The following HVCN1 variants were observed in gnomAD, a reference collection of about 807,000 sequenced individuals.
The protein encoded by HVCN1 is voltage-gated hydrogen channel 1.
Under a neutral mutation model 29.2 loss-of-function variants are expected in HVCN1, and 14 were observed. The observed-to-expected ratio is 0.48, with a 90% CI of 0.32 to 0.75. The LOEUF (loss-of-function observed/expected upper bound fraction) is 0.75, where lower values mean the gene tolerates loss of function less well. Ranked by LOEUF, HVCN1 falls within the 30% of genes least tolerant of loss-of-function variation. HVCN1 has a pLI of 0.04. For synonymous variants in HVCN1, 131 were observed against 133.2 expected, an observed-to-expected ratio of 0.98 and a Z score of 0.11; for missense variants, 263 against 341.8, an observed-to-expected ratio of 0.77 and a Z score of 1.82.
chr12:110,694,737 C>T (rs1221091529), upstream of HVCN1, among the ~76,000 whole-genome samples: 2 of 152,068 alleles, frequency 1.3e-5, no homozygotes, highest in East Asian at 1.9e-4. This position sits in a 1 kb window ranked among gnomAD's most constrained non-coding sequence, Gnocchi z 4.6. Context: ...ACAGCAGTGA[C>T]GGCCACACGA....
rs146088346 is a variant in HVCN1 at position 110,657,551 on chromosome 12, G to A, written c.307-2213C>T. 1.2e-4 allele frequency among the ~76,000 whole-genome samples: 18 copies of A among 151,508 alleles called. No individual in the cohort carries two copies. The East Asian group carries it at 3.5e-3, about 29-fold the overall frequency. On this transcript the variant is annotated intron_variant, in intron 4 of 7. Coordinates refer to ENST00000242607, the MANE Select transcript of HVCN1 (RefSeq NM_032369.4). ...AAATGCTCTGGAACTAGATAGTGGT[G>A]ACTTGTACAACACTGTGAATGTGTT...
In HVCN1 at chr12:110,661,141, T is replaced by A; in HGVS notation, c.306+23A>T. The A allele has an allele frequency of 6.4e-7, 1 of 1,571,672 alleles. No homozygotes were observed. Among genetic ancestry groups the A allele is most frequent in the Non-Finnish European group, 8.6e-7 (1 of 1,156,364 alleles). ...ATGGCTCTCCTGCCAGCTCTGGGTA[T>A]CCCGGACTCCTGCCCCACCTACCTG... is the stretch of plus-strand genomic sequence containing the variant. On this transcript the variant is annotated intron_variant, in intron 4 of 7. Coordinates refer to ENST00000242607, the MANE Select transcript of HVCN1 (RefSeq NM_032369.4). This position sits in a 1 kb window ranked among gnomAD's most constrained non-coding sequence, Gnocchi z 6.2.
At chr12:110,652,812 T>C (rs1183502340) in intron 5 of HVCN1, among the ~76,000 whole-genome samples, 1 of 152,154 alleles carries the variant, frequency 6.6e-6, no homozygotes, top group African/African-American at 2.4e-5. Flanking sequence ...AGATGCCAAC[T>C]GGGGAAGAGG....
chr12:110,648,776 G>A lies in HVCN1; in HGVS notation c.*634C>T, dbSNP rs1482764956. Reference sequence around the variant, plus strand: ...CCACAGAGGAAAGAATACAGTAGGAGGGTCCAGGGAAAAGAGAGAGTTTAT... The same window carrying A: ...CCACAGAGGAAAGAATACAGTAGGAAGGTCCAGGGAAAAGAGAGAGTTTAT... On this transcript the variant is annotated 3_prime_UTR_variant, in exon 8 of 8. Transcript: ENST00000242607. The A allele has an allele frequency of 6.7e-6, 2 of 299,206 alleles. No homozygotes were observed. The highest frequency in any genetic ancestry group is 1.3e-5 in the Non-Finnish European group (2 of 157,728). 18.5% of individuals were successfully genotyped at this position (299,206 alleles called of 1,614,324 possible).
chr12:110,662,250 T>G (rs1203275320), intron 3 of HVCN1, among the ~76,000 whole-genome samples: 1 of 151,838 alleles, frequency 6.6e-6, no homozygotes, highest in African/African-American at 2.4e-5. Context: ...AAAAATCCAT[T>G]CCCCACCTTG....
intron 3 of HVCN1, among the ~76,000 whole-genome samples, chr12:110,679,850 A>G (rs989728089): frequency 3.4e-5 from 5 of 145,992 alleles, no homozygotes; most frequent in Non-Finnish European, 7.5e-5. Flanking sequence ...ACAGAGCGAG[A>G]CTCCGTCTCA....
At position 110,661,744 on chromosome 12, in the gene HVCN1, C is replaced by T. The variant is rs912167195; in HGVS notation, c.22-296G>A. 6.6e-6 allele frequency among the ~76,000 whole-genome samples: 1 copy of T among 152,210 alleles called. No homozygotes were observed. The highest frequency in any genetic ancestry group is 2.4e-5 in the African/African-American group (1 of 41,446). ...CCGGTCCCAAAACACCCGCCACGGG[C>T]CCATGTGTGAATACCGGAAGGGCGG... is the stretch of plus-strand genomic sequence containing the variant. On this transcript the variant is annotated intron_variant, in intron 3 of 7. Transcript: ENST00000242607. This position sits in a 1 kb window ranked among gnomAD's most constrained non-coding sequence, Gnocchi z 6.2.
At chr12:110,691,348 C>T (rs1380010312), upstream of HVCN1, among the ~76,000 whole-genome samples, 2 of 152,240 alleles carry the variant, frequency 1.3e-5, no homozygotes, top group Non-Finnish European at 2.9e-5. Context: ...CAGGCGTGAG[C>T]CACCGCGTCT....
intron 3 of HVCN1, among the ~76,000 whole-genome samples, chr12:110,681,532 G>A (rs2068970427): frequency 6.6e-6 from 1 of 152,174 alleles, no homozygotes. Flanking sequence ...ACAAATGAAG[G>A]AAAAGCATGA....
chr12:110,689,378 G>A (rs1369309545), upstream of HVCN1: 1 of 152,062 alleles, frequency 6.6e-6, no homozygotes, highest in Non-Finnish European at 1.5e-5. This position sits in a 1 kb window ranked among gnomAD's most constrained non-coding sequence, Gnocchi z 5.7. Flanking sequence ...CAGTTACAAA[G>A]GTCCCGCCCG....
At chr12:110,691,782 A>G (rs972105881), upstream of HVCN1, among the ~76,000 whole-genome samples, 1 of 151,992 alleles carries the variant, frequency 6.6e-6, no homozygotes, top group African/African-American at 2.4e-5. Flanking sequence ...ACCTTCCCCC[A>G]TCCCTTCCCC....
chr12:110,695,371 TACACACACACACAC>T (rs59165683), intron 2 of HVCN1, among the ~76,000 whole-genome samples: 1 of 147,966 alleles, frequency 6.8e-6, no homozygotes, highest in African/African-American at 2.5e-5. Flanking sequence ...TTATTTTGTG[TACACACACACACAC>T]ACACACACAC....
intron 3 of HVCN1, among the ~76,000 whole-genome samples, chr12:110,666,881 G>GAA (rs2068380903): frequency 6.6e-6 from 1 of 152,130 alleles, no homozygotes; most frequent in Admixed American, 6.5e-5. Context: ...TTTCTAACTA[G>GAA]AAACTGTTAT....
chr12:110,676,375 G>A lies in HVCN1; in HGVS notation c.21+6850C>T, dbSNP rs554266016. Among the ~76,000 whole-genome samples, 15 of 152,300 alleles carry A rather than the reference G, an allele frequency of 9.8e-5. No homozygotes were observed. Among genetic ancestry groups the A allele is most frequent in the African/African-American group, 1.9e-4 (8 of 41,556 alleles). ...CTGTGCAGAAAAGGGCCAGCCCAGCGGTCCCGAGGCTGCCTTCCTCAGACA... is the reference window on the plus strand; with the variant it reads ...CTGTGCAGAAAAGGGCCAGCCCAGCAGTCCCGAGGCTGCCTTCCTCAGACA... On this transcript the variant is annotated intron_variant, in intron 3 of 7. Transcript: ENST00000242607. This position sits in a 1 kb window ranked among gnomAD's most constrained non-coding sequence, Gnocchi z 4.1.
chr12:110,657,119 C>T (rs1354383257), intron 4 of HVCN1, among the ~76,000 whole-genome samples: 4 of 152,164 alleles, frequency 2.6e-5, no homozygotes, highest in African/African-American at 4.8e-5. Context: ...AATCCAGAGA[C>T]AGAATGCAGG....
chr12:110,700,828 C>T (rs969656036), intron 2 of HVCN1, among the ~76,000 whole-genome samples: 7 of 152,188 alleles, frequency 4.6e-5, no homozygotes, highest in African/African-American at 1.2e-4. Context: ...TTTCCCTGCT[C>T]GGCATCTCTT....
At chr12:110,665,804 C>T (rs560149801) in intron 3 of HVCN1, among the ~76,000 whole-genome samples, 1 of 151,540 alleles carries the variant, frequency 6.6e-6, no homozygotes, top group African/African-American at 2.4e-5. Context: ...GTCAGGAGTT[C>T]AAGACCAGCC....
chr12:110,675,609 A>T (rs962921609), intron 3 of HVCN1, among the ~76,000 whole-genome samples: 4 of 152,154 alleles, frequency 2.6e-5, no homozygotes, highest in Non-Finnish European at 4.4e-5. Flanking sequence ...AACAAAAATG[A>T]CATTTTAGAG....
intron 3 of HVCN1, among the ~76,000 whole-genome samples, chr12:110,673,405 G>C (rs1372657202): frequency 1.3e-5 from 2 of 152,198 alleles, no homozygotes; most frequent in African/African-American, 4.8e-5. Flanking sequence ...AGGCATAAAA[G>C]TTTGGAAAAT....
Sources: allele counts gnomAD v4.1 joint callset (sites outside exome capture counted in the v4.1 genomes callset), GRCh38; gene constraint gnomAD v4.1.1; non-coding constraint Gnocchi (gnomAD v3.1); transcripts MANE v1.5; gene names NCBI Gene and HGNC (gene_info 2026-07-23, HGNC 2026-07-21).